Variants in PALS2 observed in about 807,000 individuals in gnomAD.
PALS2 encodes protein PALS2.
A neutral mutation model predicts 61.6 loss-of-function variants in PALS2; 27 were observed. That is an observed-to-expected ratio of 0.44 (90% CI 0.32 to 0.60). The LOEUF is 0.60. PALS2 is among the 20% of genes least tolerant of loss of function. The pLI, the probability that PALS2 is intolerant of heterozygous loss-of-function variation, is 0.05. For synonymous variants in PALS2, 236 were observed against 218.6 expected (o/e 1.08, Z -0.70); for missense variants, 554 against 639.4 (o/e 0.87, Z 1.44).
At chr7:24,661,978 T>A (rs375190133) in intron 5 of PALS2, among the ~76,000 whole-genome samples, 30 of 152,300 alleles carry the variant, frequency 2.0e-4, no homozygotes, top group African/African-American at 7.2e-4. Flanking sequence ...ATTTTGGTTT[T>A]TTCCCGTTGT....
At chr7:24,594,130 A>T (rs1453841969) in intron 1 of PALS2, among the ~76,000 whole-genome samples, 1 of 152,082 alleles carries the variant, frequency 6.6e-6, no homozygotes, top group East Asian at 1.9e-4. Context: ...ATGTTATGAG[A>T]TGACGTCTTT....
intron 1 of PALS2, among the ~76,000 whole-genome samples, chr7:24,620,840 GT>G (rs1483857343): frequency 6.6e-6 from 1 of 152,132 alleles, no homozygotes; most frequent in Non-Finnish European, 1.5e-5. Flanking sequence ...AAGGTAGAAA[GT>G]ATATAGGAGT....
At chr7:24,625,397 T>A (rs1334100884) in intron 2 of PALS2, among the ~76,000 whole-genome samples, 1 of 152,234 alleles carries the variant, frequency 6.6e-6, no homozygotes, top group African/African-American at 2.4e-5. Context: ...TAAAATACAC[T>A]GTTTTGTCTT....
intron 2 of PALS2, among the ~76,000 whole-genome samples, chr7:24,629,106 G>A (rs1784877809): frequency 2.0e-5 from 3 of 152,172 alleles, no homozygotes; most frequent in Admixed American, 2.0e-4. Flanking sequence ...CAAGGCTACA[G>A]TAACTAAAAC....
At chr7:24,641,609 A>C in intron 2 of PALS2, 107 bp from the exon 3 acceptor site, 2 of 983,418 alleles carry the variant, frequency 2.0e-6, no homozygotes, top group Non-Finnish European at 2.9e-6. Context: ...TACATGAATT[A>C]AATCTCCAAG....
At position 24,607,620 on chromosome 7, in the gene PALS2, T is replaced by A. The variant is rs560241894; in HGVS notation, c.-2-16046T>A. Among the ~76,000 whole-genome samples, 11 of 150,996 alleles carry A rather than the reference T, an allele frequency of 7.3e-5. No individual in the cohort carries two copies. In the East Asian group the frequency reaches 2.1e-3, roughly 29 times the overall value. Reference sequence around the variant, plus strand: ...GTGTGTGTATATATACATATATATGTGTGTATATATACATATATGTATGTA... The same window carrying A: ...GTGTGTGTATATATACATATATATGAGTGTATATATACATATATGTATGTA... On this transcript the variant is annotated intron_variant, in intron 1 of 11. Coordinates refer to ENST00000222644, the MANE Select transcript of PALS2 (RefSeq NM_001303037.2).
intron 1 of PALS2, among the ~76,000 whole-genome samples, chr7:24,585,638 C>G (rs1024408689): frequency 2.0e-5 from 3 of 152,142 alleles, no homozygotes; most frequent in African/African-American, 7.2e-5. Flanking sequence ...TGTCCTTATT[C>G]TCATCTCCAT....
At chr7:24,651,573 T>TGA (rs1786151787) in intron 5 of PALS2, among the ~76,000 whole-genome samples, 1 of 152,176 alleles carries the variant, frequency 6.6e-6, no homozygotes, top group African/African-American at 2.4e-5. Context: ...GCTGTGGTGA[T>TGA]GACGCAGTAG....
Position 24,639,395 on chromosome 7 carries a change from C to A in PALS2, c.118-2321C>A, listed in dbSNP as rs142688075. Among the ~76,000 whole-genome samples the A allele has an allele frequency of 3.5e-3, 447 of 129,268 alleles. 3 individuals carry two copies. Among genetic ancestry groups the A allele is most frequent in the African/African-American group, 0.015 (410 of 27,588 alleles). The allele number at this position is 129,268 out of a possible 152,430, so 84.8% of individuals were successfully genotyped here. On this transcript the variant is annotated intron_variant, in intron 2 of 11. Transcript: ENST00000222644. ...CATAGTGTGAGTATAATATACCTAC[C>A]TTTGCTGAATACACACACACACACA...
intron 1 of PALS2, among the ~76,000 whole-genome samples, chr7:24,588,907 T>G: frequency 6.6e-6 from 1 of 152,206 alleles, no homozygotes; most frequent in East Asian, 1.9e-4. Flanking sequence ...TATTTTGTCC[T>G]TATCCCACCT....
chr7:24,665,420 G>C (rs183244258), intron 6 of PALS2, among the ~76,000 whole-genome samples, 168 bp from the exon 7 acceptor site: 8 of 152,284 alleles, frequency 5.3e-5, no homozygotes, highest in East Asian at 3.9e-4. Context: ...TGATTCTTCA[G>C]TGCTGAATTG....
At chr7:24,668,430 C>G (rs952237332) in intron 8 of PALS2, 69 bp from the exon 9 acceptor site, 4 of 1,407,054 alleles carry the variant, frequency 2.8e-6, no homozygotes, top group Non-Finnish European at 2.9e-6. Flanking sequence ...CATTACTAGA[C>G]AGAATTGCAG....
intron 1 of PALS2, among the ~76,000 whole-genome samples, chr7:24,582,594 CT>C (rs1782886072): frequency 2.0e-5 from 3 of 151,608 alleles, no homozygotes; most frequent in Admixed American, 2.0e-4. Context: ...ATGTGGCTAT[CT>C]TTGAGTGGAT....
At chr7:24,629,840 G>A (rs1033417102) in intron 2 of PALS2, among the ~76,000 whole-genome samples, 1 of 152,182 alleles carries the variant, frequency 6.6e-6, no homozygotes, top group Admixed American at 6.5e-5. Flanking sequence ...AGATACTGAA[G>A]AGGATGTGGA....
At chr7:24,638,284 A>T (rs1044305984) in intron 2 of PALS2, among the ~76,000 whole-genome samples, 1 of 149,986 alleles carries the variant, frequency 6.7e-6, no homozygotes, top group Non-Finnish European at 1.5e-5. Flanking sequence ...TACAGTTTCT[A>T]AAAAAACCTT....
intron 1 of PALS2, among the ~76,000 whole-genome samples, chr7:24,600,236 A>C (rs1044339655): frequency 1.3e-5 from 2 of 152,206 alleles, no homozygotes; most frequent in African/African-American, 4.8e-5. Flanking sequence ...AACTTCTGCT[A>C]AACCCTTCAC....
At chr7:24,628,583 A>G (rs540808590) in intron 2 of PALS2, among the ~76,000 whole-genome samples, 2 of 152,214 alleles carry the variant, frequency 1.3e-5, no homozygotes, top group East Asian at 3.9e-4. Flanking sequence ...CAGATGACAT[A>G]TTTAGAAAAC....
intron 1 of PALS2, among the ~76,000 whole-genome samples, chr7:24,598,176 A>G (rs866806204): frequency 3.3e-5 from 5 of 152,338 alleles, no homozygotes; most frequent in Non-Finnish European, 5.9e-5. Context: ...ATCAAACCAA[A>G]GTATATAAAG....
intron 1 of PALS2, among the ~76,000 whole-genome samples, chr7:24,599,381 C>A (rs186104709): frequency 6.6e-6 from 1 of 152,088 alleles, no homozygotes; most frequent in African/African-American, 2.4e-5. Flanking sequence ...ATTAAATTAA[C>A]CTTATCTTAC....
Sources: allele counts gnomAD v4.1 joint callset (sites outside exome capture counted in the v4.1 genomes callset), GRCh38; gene constraint gnomAD v4.1.1; transcripts MANE v1.5; gene names NCBI Gene and HGNC (gene_info 2026-07-23, HGNC 2026-07-21).